SEMA4F: variants seen among roughly 807,000 people sequenced by gnomAD.
SEMA4F encodes ssemaphorin 4F.
A neutral mutation model predicts 78.4 loss-of-function variants in SEMA4F; 51 were observed. That is an observed-to-expected ratio of 0.65 (90% CI 0.52 to 0.82). The LOEUF is 0.82. SEMA4F is among the 40% of genes least tolerant of loss of function. The pLI, the probability that SEMA4F is intolerant of heterozygous loss-of-function variation, is 0.00. For synonymous variants in SEMA4F, 418 were observed against 408.7 expected, an observed-to-expected ratio of 1.02 and a Z score of -0.27; for missense variants, 938 against 1,014.4, an observed-to-expected ratio of 0.92 and a Z score of 1.02.
chr2:74,691,559 C>G, the SEMA4F span, among the ~76,000 whole-genome samples: 4 of 152,198 alleles, frequency 2.6e-5, no homozygotes, highest in African/African-American at 9.7e-5. Flanking sequence ...TTTTCCAAAC[C>G]TTGCATGTTA....
At chr2:74,677,268 A>G (rs981898625) in intron 12 of SEMA4F, among the ~76,000 whole-genome samples, 2 of 152,196 alleles carry the variant, frequency 1.3e-5, no homozygotes, top group Non-Finnish European at 2.9e-5. Flanking sequence ...AGAATTGTAT[A>G]ATGAATTTCC....
At chr2:74,654,708 C>T (rs1684027380) in intron 1 of SEMA4F, among the ~76,000 whole-genome samples, 187 bp downstream of exon 1, 2 of 151,994 alleles carry the variant, frequency 1.3e-5, no homozygotes, top group Admixed American at 1.3e-4. Flanking sequence ...GCATCCCTCC[C>T]GCGCCCCTCA....
chr2:74,700,439 C>T, the SEMA4F span, among the ~76,000 whole-genome samples: 4 of 152,150 alleles, frequency 2.6e-5, no homozygotes, highest in Admixed American at 1.3e-4. Context: ...CCCCCTACCC[C>T]ATCCATGGCA....
chr2:74,701,303 C>G, the SEMA4F span, among the ~76,000 whole-genome samples: 1 of 152,278 alleles, frequency 6.6e-6, no homozygotes, highest in South Asian at 2.1e-4. Context: ...CTGGGACCCA[C>G]TAGCTTTTTC....
chr2:74,656,808 G>C, intron 2 of SEMA4F, 123 bp downstream of exon 2: 1 of 1,090,282 alleles, frequency 9.2e-7, no homozygotes, highest in Non-Finnish European at 1.3e-6. Context: ...AGTAGGAGGG[G>C]GTGAGTTGGG....
intron 5 of SEMA4F, among the ~76,000 whole-genome samples, chr2:74,667,563 C>CT (rs1286969730): frequency 6.6e-6 from 1 of 152,296 alleles, no homozygotes; most frequent in Middle Eastern, 3.4e-3. Context: ...ATTGGTACTT[C>CT]TATTTCTTTT....
chr2:74,654,353 A>C lies in SEMA4F; in HGVS notation c.-24A>C, dbSNP rs765968555. 2.0e-6 allele frequency: 3 copies of C among 1,464,430 alleles called. No homozygotes were observed. In the Admixed American group the frequency reaches 7.3e-5, roughly 36 times the overall value. 90.7% of individuals were successfully genotyped at this position (1,464,430 alleles called of 1,614,324 possible). Reference sequence around the variant, plus strand: ...GAGCAGAGGCCGTAGCTTGCGCCGCACCCGCGGCCAGGCGGAGCCAAAGAT... The same window carrying C: ...GAGCAGAGGCCGTAGCTTGCGCCGCCCCCGCGGCCAGGCGGAGCCAAAGAT... On this transcript the variant is annotated 5_prime_UTR_variant, in exon 1 of 14. Transcript: ENST00000357877.
In SEMA4F at chr2:74,680,175, C is replaced by T. The variant is rs1558738284; in HGVS notation, c.2279C>T (p.Ala760Val). The stretch of plus-strand genomic sequence containing the variant: ...CCAGCCCACATTCGGCTAACTGGGG[C>T]TCCTCTAGCCACATGTGATGAAACA... ...PSPAHIRLTGAPLATCDETSI is the reference protein window; with the variant it reads ...PSPAHIRLTGVPLATCDETSI Residue 760 changes from alanine (A) to valine (V), a missense_variant, in exon 14 of 14, where the codon GCT becomes GTT. Physicochemically the swap from Ala to Val is moderately conservative, Grantham distance 64 (BLOSUM62 0). Transcript: ENST00000357877. The T allele has an allele frequency of 1.3e-6, 2 of 1,590,938 alleles. No individual in the cohort carries two copies. Among genetic ancestry groups the T allele is most frequent in the Non-Finnish European group, 1.7e-6 (2 of 1,164,268 alleles).
At chr2:74,677,717 TG>T (rs1685371269) in intron 12 of SEMA4F, among the ~76,000 whole-genome samples, 1 of 152,230 alleles carries the variant, frequency 6.6e-6, no homozygotes, top group Admixed American at 6.5e-5. Context: ...ATAGCATATT[TG>T]TATACTACAG....
Position 74,654,540 on chromosome 2 carries a change from C to A in SEMA4F, c.145+19C>A. The A allele has an allele frequency of 1.3e-6, 2 of 1,530,958 alleles. No individual in the cohort carries two copies. Among genetic ancestry groups the A allele is most frequent in the African/African-American group, 1.4e-5 (1 of 70,062 alleles). 94.8% of individuals were successfully genotyped at this position (1,530,958 alleles called of 1,614,324 possible). ...ATCTCTGGTAAGGCGCGGACGCCCACGCCCTCAGCCCTTCGCGCCCACACC... is the reference window on the plus strand; with the variant it reads ...ATCTCTGGTAAGGCGCGGACGCCCAAGCCCTCAGCCCTTCGCGCCCACACC... On this transcript the variant is annotated intron_variant, in intron 1 of 13. Transcript: ENST00000357877.
the SEMA4F span, among the ~76,000 whole-genome samples, chr2:74,707,495 T>C: frequency 1.5e-5 from 2 of 134,480 alleles, no homozygotes; most frequent in African/African-American, 3.3e-5. Context: ...TGAAAGTTTT[T>C]TTTTTTTTTA....
intron 1 of SEMA4F, 144 bp from the exon 2 acceptor site, chr2:74,656,390 A>G (rs1684136988): frequency 2.8e-6 from 2 of 702,716 alleles, no homozygotes; most frequent in Non-Finnish European, 4.8e-6. Flanking sequence ...TCTCTGGTTC[A>G]CTTGTCAAGG....
At position 74,671,019 on chromosome 2, in the gene SEMA4F, A is replaced by C. The variant is rs144312677; in HGVS notation, c.551-2438A>C. Reference sequence around the variant, plus strand: ...TTGTTTATCTTATTTAACCCTTAGCACTATTCTGAGTGGAAGATGGCATTA... The same window carrying C: ...TTGTTTATCTTATTTAACCCTTAGCCCTATTCTGAGTGGAAGATGGCATTA... On this transcript the variant is annotated intron_variant, in intron 5 of 13. Coordinates refer to ENST00000357877, the MANE Select transcript of SEMA4F (RefSeq NM_004263.5). Among the ~76,000 whole-genome samples, 10 of 151,636 alleles carry C rather than the reference A, an allele frequency of 6.6e-5. No individual in the cohort carries two copies. The East Asian group carries it at 1.9e-3, about 29-fold the overall frequency.
chr2:74,659,646 A>G (rs931647115), intron 4 of SEMA4F, among the ~76,000 whole-genome samples: 3 of 152,096 alleles, frequency 2.0e-5, no homozygotes, highest in African/African-American at 7.2e-5. Flanking sequence ...AACTCTGGTA[A>G]CCCTTTGAGC....
chr2:74,654,584 C>T, intron 1 of SEMA4F, 63 bp downstream of exon 1: 1 of 1,377,188 alleles, frequency 7.3e-7, no homozygotes, highest in Non-Finnish European at 9.6e-7. Flanking sequence ...CACCCACCTG[C>T]TCCTCAGACC....
chr2:74,665,733 G>A (rs1286947086), intron 5 of SEMA4F, among the ~76,000 whole-genome samples: 1 of 151,964 alleles, frequency 6.6e-6, no homozygotes, highest in East Asian at 1.9e-4. Flanking sequence ...TATTTTTCTA[G>A]GTTTTTAATC....
chr2:74,669,351 C>T (rs554585484), intron 5 of SEMA4F, among the ~76,000 whole-genome samples: 25 of 151,702 alleles, frequency 1.6e-4, no homozygotes, highest in African/African-American at 4.8e-4. Context: ...TTTGGTAGGC[C>T]GAGGTGGGCA....
chr2:74,665,438 T>G (rs1684644124), intron 5 of SEMA4F, among the ~76,000 whole-genome samples: 1 of 151,960 alleles, frequency 6.6e-6, no homozygotes, highest in Non-Finnish European at 1.5e-5. Context: ...ACTGTGTTAG[T>G]CAGGATGGTC....
chr2:74,661,985 C>T (rs1018251728), intron 4 of SEMA4F, among the ~76,000 whole-genome samples: 1 of 152,220 alleles, frequency 6.6e-6, no homozygotes, highest in African/African-American at 2.4e-5. Context: ...CTTGAAGCCT[C>T]TCTTAGTGCC....
Sources: gnomAD v4.1 joint callset for allele counts (sites outside exome capture counted in the v4.1 genomes callset) on GRCh38, gnomAD v4.1.1 for gene constraint, MANE v1.5 for transcripts, NCBI Gene and HGNC (gene_info 2026-07-23, HGNC 2026-07-21) for gene names.